SEMA3D: variants seen among roughly 807,000 people sequenced by gnomAD.
SEMA3D encodes the protein semaphorin 3D, also known as semaphorin-3D.
A neutral mutation model predicts 100.1 loss-of-function variants in SEMA3D; 84 were observed. That is an observed-to-expected ratio of 0.84 (90% CI 0.70 to 1.01). The LOEUF (loss-of-function observed/expected upper bound fraction) is 1.01. Ranked by LOEUF, SEMA3D falls within the 50% of genes least tolerant of loss-of-function variation. The pLI, the probability that SEMA3D is intolerant of heterozygous loss-of-function variation, is 0.00. For synonymous variants in SEMA3D, 312 were observed against 320.7 expected (o/e 0.97, Z 0.29); for missense variants, 875 against 934.1 (o/e 0.94, Z 0.82).
chr7:85,044,764 A>G (rs1790960590), intron 9 of SEMA3D, among the ~76,000 whole-genome samples: 1 of 152,116 alleles, frequency 6.6e-6, no homozygotes, highest in Non-Finnish European at 1.5e-5. Context: ...ATCTAGACCA[A>G]CAAGACTCTT....
At chr7:85,030,597 A>T (rs1790520881) in intron 12 of SEMA3D, among the ~76,000 whole-genome samples, 1 of 152,060 alleles carries the variant, frequency 6.6e-6, no homozygotes, top group East Asian at 1.9e-4. Flanking sequence ...AAAAACAAGT[A>T]TTTTCTCCTC....
At chr7:85,229,450 A>C in the SEMA3D span, among the ~76,000 whole-genome samples, 4 of 152,058 alleles carry the variant, frequency 2.6e-5, no homozygotes, top group African/African-American at 9.7e-5. Flanking sequence ...TCATGAAATT[A>C]GGGTTTCTAC....
intron 3 of SEMA3D, 127 bp downstream of exon 3, chr7:85,121,614 T>C (rs1789414590): frequency 2.1e-5 from 12 of 565,742 alleles, no homozygotes; most frequent in Non-Finnish European, 6.0e-6. Flanking sequence ...TATAATTCTA[T>C]TTTTATGAAC....
At chr7:85,069,084 G>T (rs1401006277) in intron 6 of SEMA3D, among the ~76,000 whole-genome samples, 1 of 152,060 alleles carries the variant, frequency 6.6e-6, no homozygotes, top group East Asian at 1.9e-4. Flanking sequence ...CCAGCAGAAA[G>T]GATGATGACT....
At chr7:85,202,027 T>C in the SEMA3D span, among the ~76,000 whole-genome samples, 2 of 151,776 alleles carry the variant, frequency 1.3e-5, no homozygotes, top group Admixed American at 1.3e-4. Context: ...TCTCTGTCTC[T>C]CTCTCTCTTT....
chr7:85,161,606 A>G (rs1465658125), intron 1 of SEMA3D, among the ~76,000 whole-genome samples: 1 of 152,026 alleles, frequency 6.6e-6, no homozygotes, highest in Non-Finnish European at 1.5e-5. Context: ...AACAACTACC[A>G]TTCACGTAGG....
chr7:84,999,569 C>T lies in SEMA3D; in HGVS notation c.2205G>A (p.Trp735Ter). 1 of 1,614,108 alleles carries T rather than the reference C, an allele frequency of 6.2e-7. No individual in the cohort carries two copies. Among genetic ancestry groups the T allele is most frequent in the Non-Finnish European group, 8.5e-7 (1 of 1,180,012 alleles). ...TTCTCTGTCTCCGCTTCTCCCTGTG[C>T]CACATCTGTTCGCAGTACTGGTCGA... Reference protein sequence around the residue: ...FSLDQYCEQMWHREKRRQRNK... With the variant: ...FSLDQYCEQM Residue 735 changes from tryptophan (W) to a stop codon, truncating the protein, a stop_gained, in exon 19 of 19, where the codon TGG (tryptophan) becomes TGA (stop). Transcript: ENST00000284136. LOFTEE classifies it high-confidence loss of function.
the SEMA3D span, among the ~76,000 whole-genome samples, chr7:85,241,467 G>GTGTGTATATATATA: frequency 7.6e-5 from 7 of 91,964 alleles, no homozygotes; most frequent in South Asian, 3.9e-4. Context: ...CTGTGTGTGT[G>GTGTGTATATATATA]TATATATATA....
intron 1 of SEMA3D, among the ~76,000 whole-genome samples, chr7:85,173,020 T>C (rs1791126385): frequency 6.6e-6 from 1 of 151,722 alleles, no homozygotes; most frequent in African/African-American, 2.4e-5. Flanking sequence ...AGAAACAAGG[T>C]TGTAATCACA....
At chr7:85,220,473 G>T in the SEMA3D span, among the ~76,000 whole-genome samples, 1 of 151,744 alleles carries the variant, frequency 6.6e-6, no homozygotes. Flanking sequence ...ACTTATGAAT[G>T]GGTCAGTCAT....
chr7:85,193,047 G>A, the SEMA3D span, among the ~76,000 whole-genome samples: 2 of 152,002 alleles, frequency 1.3e-5, no homozygotes, highest in African/African-American at 4.8e-5. Context: ...GGAGCTTAGC[G>A]GCCAGCACTT....
chr7:85,123,848 TA>T (rs1320057330), intron 2 of SEMA3D, among the ~76,000 whole-genome samples: 1 of 152,088 alleles, frequency 6.6e-6, no homozygotes, highest in African/African-American at 2.4e-5. Context: ...CATGTTGTAT[TA>T]AATATAACAA....
chr7:85,241,487 A>ATATATATATATATATATC, the SEMA3D span, among the ~76,000 whole-genome samples: 1 of 140,032 alleles, frequency 7.1e-6, no homozygotes, highest in African/African-American at 2.7e-5. Flanking sequence ...ATATATATAT[A>ATATATATATATATATATC]TATATGAATA....
chr7:85,062,930 A>C (rs962339473), intron 8 of SEMA3D, among the ~76,000 whole-genome samples: 1 of 152,264 alleles, frequency 6.6e-6, no homozygotes, highest in Non-Finnish European at 1.5e-5. Flanking sequence ...GGCAGTCAAT[A>C]ATACAAAATG....
chr7:85,005,934 A>G (rs1382888008), intron 18 of SEMA3D, among the ~76,000 whole-genome samples: 2 of 152,062 alleles, frequency 1.3e-5, no homozygotes, highest in Non-Finnish European at 2.9e-5. Flanking sequence ...AATAAGGCTG[A>G]TATTTTAGAG....
chr7:85,219,476 C>T, the SEMA3D span, among the ~76,000 whole-genome samples: 1 of 151,808 alleles, frequency 6.6e-6, no homozygotes, highest in Non-Finnish European at 1.5e-5. Flanking sequence ...CAATACATTA[C>T]CAATTCTATG....
chr7:85,160,032 A>G, intron 1 of SEMA3D: 1 of 952,286 alleles, frequency 1.1e-6, no homozygotes, highest in Non-Finnish European at 1.3e-6. Context: ...TGGATTAAAA[A>G]CTGAACTGTT....
chr7:85,119,973 T>G (rs1789362152), intron 3 of SEMA3D, among the ~76,000 whole-genome samples: 1 of 151,804 alleles, frequency 6.6e-6, no homozygotes, highest in Admixed American at 6.6e-5. Flanking sequence ...TTTTTTTTTT[T>G]TTTTAGAGAC....
chr7:85,057,486 G>A (rs1453753443), intron 8 of SEMA3D, among the ~76,000 whole-genome samples: 2 of 152,188 alleles, frequency 1.3e-5, no homozygotes, highest in African/African-American at 4.8e-5. Context: ...AAATTGGCGG[G>A]AGGTGAAAAA....
Sources: gnomAD v4.1 joint callset for allele counts (sites outside exome capture counted in the v4.1 genomes callset) on GRCh38, gnomAD v4.1.1 for gene constraint, MANE v1.5 for transcripts, NCBI Gene and HGNC (gene_info 2026-07-23, HGNC 2026-07-21) for gene names.